The following ACSBG2 variants were observed in gnomAD, a reference collection of about 807,000 sequenced individuals.
The protein encoded by ACSBG2 is long-chain-fatty-acid--CoA ligase ACSBG2.
A neutral mutation model predicts 74.7 loss-of-function variants in ACSBG2; 62 were observed. The ratio of observed to expected loss-of-function variants is 0.83; its 90% confidence interval spans 0.68 to 1.03. The LOEUF is 1.03. ACSBG2 is among the 50% of genes least tolerant of loss of function. The pLI, the probability that ACSBG2 is intolerant of heterozygous loss-of-function variation, is 0.00. For synonymous variants in ACSBG2, 309 were observed against 294.1 expected, an observed-to-expected ratio of 1.05 and a Z score of -0.52; for missense variants, 730 against 817.6, an observed-to-expected ratio of 0.89 and a Z score of 1.31.
intron 1 of ACSBG2, among the ~76,000 whole-genome samples, chr19:6,138,469 G>GA (rs1281425740): frequency 0.013 from 1,698 of 135,258 alleles, 36 homozygotes; most frequent in African/African-American, 0.04. Context: ...GAAGAGAGAG[G>GA]GAGAGAGAGA....
At chr19:6,154,494 A>G (rs1446328069) in intron 4 of ACSBG2, among the ~76,000 whole-genome samples, 1 of 147,730 alleles carries the variant, frequency 6.8e-6, no homozygotes, top group Non-Finnish European at 1.5e-5. Context: ...TAATACATAT[A>G]ATAATATATA....
chr19:6,156,386 T>C (rs751734066), intron 4 of ACSBG2, 45 bp from the exon 5 acceptor site: 6 of 1,547,332 alleles, frequency 3.9e-6, no homozygotes, highest in Non-Finnish European at 5.2e-6. Context: ...ATTCTGCCTT[T>C]AAGGTGTGTG....
chr19:6,188,769 G>C (rs946355126), intron 13 of ACSBG2, among the ~76,000 whole-genome samples: 5 of 152,130 alleles, frequency 3.3e-5, no homozygotes, highest in African/African-American at 1.2e-4. Flanking sequence ...GGGGTGAAGG[G>C]CTGGAAAATT....
intron 7 of ACSBG2, among the ~76,000 whole-genome samples, chr19:6,167,207 C>G (rs912341077): frequency 2.0e-5 from 3 of 152,216 alleles, no homozygotes; most frequent in Non-Finnish European, 4.4e-5. Context: ...TACCAGCACA[C>G]ACTGGTGTCT....
Position 6,182,866 on chromosome 19 carries a change from TG to T in ACSBG2, c.1023del (p.Lys342ArgfsTer28). 1 of 1,614,124 alleles carries T rather than the reference TG, an allele frequency of 6.2e-7. No homozygotes were observed. Among genetic ancestry groups the T allele is most frequent in the Non-Finnish European group, 8.5e-7 (1 of 1,180,038 alleles). ...AAAAATAGTGCCAAGTCCATGGGCTTGAAGAAGAAGGCATTCGTGTGGGCAA... is the reference window on the plus strand; with the variant it reads ...AAAAATAGTGCCAAGTCCATGGGCTTAAGAAGAAGGCATTCGTGTGGGCAA... ...VKKNSAKSMGLKKKAFVWARN... is the reference protein window; with the variant it reads ...VKKNSAKSMGXKKKAFVWARN... On this transcript the variant is annotated frameshift_variant, in exon 9 of 15. Transcript: ENST00000588485. LOFTEE classifies it high-confidence loss of function.
intron 14 of ACSBG2, 64 bp downstream of exon 14, chr19:6,190,756 T>G (rs1568262186): frequency 9.7e-7 from 1 of 1,034,344 alleles, no homozygotes; most frequent in East Asian, 2.4e-5. Context: ...GGCTCCACTG[T>G]GTGGCAGGCA....
chr19:6,185,637 C>T lies in ACSBG2; in HGVS notation c.1524C>T (p.Val508=). The change falls in exon 11 of 15, where the codon GTC becomes GTT. Residue 508 remains valine (V), a synonymous_variant. Transcript: ENST00000588485. The stretch of plus-strand genomic sequence containing the variant: ...TGGACGGTCTGGGTTTCCTCTATGT[C>T]ACCGGCCACATCAAAGGTACCAGGG... ...GQLDGLGFLY[V]TGHIKEILIT... 1 of 1,614,132 alleles carries T rather than the reference C, an allele frequency of 6.2e-7. No individual in the cohort carries two copies. Among genetic ancestry groups the T allele is most frequent in the Non-Finnish European group, 8.5e-7 (1 of 1,180,022 alleles).
Position 6,174,888 on chromosome 19 carries a change from G to A in ACSBG2, c.739-2341G>A, listed in dbSNP as rs773168847. On this transcript the variant is annotated intron_variant, in intron 7 of 14. Coordinates refer to ENST00000588485, the MANE Select transcript of ACSBG2 (RefSeq NM_030924.5). The surrounding 1 kb of genome is among the most constrained non-coding windows in gnomAD (Gnocchi z 4.2). ...ATGTCTACAGCTCAGTGTTTCTCCC[G>A]TGTAGGGAACACTATGTTCAGTGCT... Among the ~76,000 whole-genome samples, 13 of 152,128 alleles carry A rather than the reference G, an allele frequency of 8.5e-5. No individual in the cohort carries two copies. Among genetic ancestry groups the A allele is most frequent in the African/African-American group, 3.1e-4 (13 of 41,418 alleles).
chr19:6,137,209 T>TGGGGGGGGGGGGGGGGGGGGGG (rs71172790), intron 1 of ACSBG2: 1 of 21,996 alleles, frequency 4.5e-5, no homozygotes, highest in African/African-American at 9.8e-5. Flanking sequence ...GTGGCGGGGT[T>TGGGGGGGGGGGGGGGGGGGGGG]GGGGGGGGGG....
intron 1 of ACSBG2, among the ~76,000 whole-genome samples, chr19:6,139,913 T>C (rs2088753765): frequency 6.6e-6 from 1 of 152,056 alleles, no homozygotes. Context: ...ACTCTGTCTC[T>C]ACTAAAAATA....
chr19:6,185,389 T>G (rs139495502), intron 10 of ACSBG2, 47 bp from the exon 11 acceptor site: 1 of 1,603,270 alleles, frequency 6.2e-7, no homozygotes, highest in East Asian at 2.2e-5. Context: ...GCTGGGTGGC[T>G]GACTTTGTCC....
intron 3 of ACSBG2, among the ~76,000 whole-genome samples, chr19:6,150,394 C>G (rs556716475): frequency 6.7e-6 from 1 of 150,014 alleles, no homozygotes; most frequent in South Asian, 2.1e-4. Flanking sequence ...TTTGTAGACT[C>G]AGGGTCATAG....
intron 3 of ACSBG2, among the ~76,000 whole-genome samples, chr19:6,150,506 T>A (rs1471662260): frequency 6.6e-6 from 1 of 152,142 alleles, no homozygotes; most frequent in African/African-American, 2.4e-5. Flanking sequence ...GGAATATGAT[T>A]CAGCCACAAA....
At chr19:6,141,700 T>A in intron 2 of ACSBG2, 90 bp downstream of exon 2, 2 of 901,858 alleles carry the variant, frequency 2.2e-6, no homozygotes, top group Non-Finnish European at 1.8e-6. Flanking sequence ...TAGAAAGATG[T>A]AGCCATTCCT....
At chr19:6,190,948 C>T (rs920656619) in intron 14 of ACSBG2, 2 of 259,382 alleles carry the variant, frequency 7.7e-6, no homozygotes, top group African/African-American at 4.3e-5. Flanking sequence ...TTCAGCTGGC[C>T]ACCAATGTTG....
chr19:6,146,626 G>A (rs568219564), intron 2 of ACSBG2, among the ~76,000 whole-genome samples: 27 of 152,048 alleles, frequency 1.8e-4, no homozygotes, highest in Admixed American at 8.5e-4. Flanking sequence ...TTAGCGAGGC[G>A]TGGTGGTGCA....
At chr19:6,183,356 G>T (rs1038755290) in intron 10 of ACSBG2, 84 bp downstream of exon 10, 18 of 1,179,968 alleles carry the variant, frequency 1.5e-5, no homozygotes, top group South Asian at 5.5e-5. Context: ...GGGCCTCTGG[G>T]TTAAGAGGAA....
intron 7 of ACSBG2, among the ~76,000 whole-genome samples, chr19:6,169,488 T>C (rs777548992): frequency 3.3e-5 from 5 of 152,254 alleles, no homozygotes; most frequent in Non-Finnish European, 5.9e-5. Flanking sequence ...TTAGTTACTA[T>C]AGCCTTGTAG....
chr19:6,168,530 C>T (rs959730750), intron 7 of ACSBG2, among the ~76,000 whole-genome samples: 3 of 152,168 alleles, frequency 2.0e-5, no homozygotes, highest in African/African-American at 7.2e-5. Context: ...ACTACTGTAA[C>T]TGCAGTGCCT....
Sources: allele counts gnomAD v4.1 joint callset (sites outside exome capture counted in the v4.1 genomes callset), GRCh38; gene constraint gnomAD v4.1.1; non-coding constraint Gnocchi (gnomAD v3.1); transcripts MANE v1.5; gene names NCBI Gene and HGNC (gene_info 2026-07-23, HGNC 2026-07-21).